The following VRTN variants were observed in gnomAD, a reference collection of about 807,000 sequenced individuals.
VRTN encodes vertnin.
A neutral mutation model predicts 18.2 loss-of-function variants in VRTN; 5 were observed. The ratio of observed to expected loss-of-function variants is 0.27; its 90% CI spans 0.14 to 0.58. The LOEUF (loss-of-function observed/expected upper bound fraction) is 0.58. VRTN is among the 20% of genes least tolerant of loss of function. VRTN has a pLI of 0.91. For missense variants in VRTN, 741 were observed against 939.4 expected (o/e 0.79, Z 2.76); for synonymous variants, 381 against 393.7 (o/e 0.97, Z 0.38).
intron 1 of VRTN, among the ~76,000 whole-genome samples, chr14:74,319,957 A>G (rs1188224971): frequency 1.3e-5 from 2 of 152,230 alleles, no homozygotes; most frequent in East Asian, 3.8e-4. Context: ...TGCTTCAAGA[A>G]GCAAGCCCTG....
rs199640090 is a variant in VRTN, at chr14:74,357,878, C to T, written c.1095C>T (p.Pro365=). Residue 365 remains proline (P), a synonymous_variant, in exon 2 of 2, where the codon CCC becomes CCT. Coordinates refer to ENST00000256362, the MANE Select transcript of VRTN (RefSeq NM_018228.3). This position sits in a 1 kb window ranked among gnomAD's most constrained non-coding sequence, Gnocchi z 7.8. ...LGSGTCPALP[P]REVLGMEELE... is the part of the protein sequence containing the mutation. The stretch of plus-strand genomic sequence containing the variant: ...CTGGCACCTGCCCGGCCTTGCCCCC[C>T]AGGGAGGTGCTGGGCATGGAGGAGC... 5 of 1,614,010 alleles carry T rather than the reference C, an allele frequency of 3.1e-6. No individual in the cohort carries two copies. The African/African-American group carries it at 5.3e-5, about 17-fold the overall frequency.
At position 74,319,036 on chromosome 14, in the gene VRTN, T is replaced by C. The variant is rs114517061; in HGVS notation, c.-164+15860T>C. On this transcript the variant is annotated intron_variant, in intron 1 of 2. Coordinates refer to the VRTN transcript ENST00000557177. ...GGTCTCGGGATTTTTTTTTGTTGTTTGTTTGTTTTGAGATGGGGTCTCACT... is the reference window on the plus strand; with the variant it reads ...GGTCTCGGGATTTTTTTTTGTTGTTCGTTTGTTTTGAGATGGGGTCTCACT... Among the ~76,000 whole-genome samples the C allele has an allele frequency of 6.6e-3, 974 of 148,324 alleles. 10 individuals are homozygous for C. The highest frequency in any genetic ancestry group is 0.023 in the African/African-American group (923 of 40,048).
chr14:74,306,173 T>TATATATATATATATATGTATG lies in VRTN; in HGVS notation c.-164+2997_-164+2998insATATATATATATATATGTATG, dbSNP rs1491480014. The TATATATATATATATATGTATG allele has an allele frequency of 2.2e-3, 107 of 48,028 alleles. 1 individual carries two copies. Among genetic ancestry groups the TATATATATATATATATGTATG allele is most frequent in the African/African-American group, 0.01 (102 of 9,996 alleles). The allele number at this position is 48,028 out of a possible 1,614,324, so 3.0% of individuals were successfully genotyped here. A position where few individuals can be genotyped will look rare whatever the true frequency, so the allele number is the denominator to read the frequency against. ...ATATATATATATATATATATATATA[T>TATATATATATATATATGTATG]TTTTTTTTTTTTTTTGAGACAGAGT... is the stretch of plus-strand genomic sequence containing the variant. On this transcript the variant is annotated intron_variant, in intron 1 of 2. Transcript: ENST00000557177.
At chr14:74,356,644 A>G (rs977750085) in intron 1 of VRTN, 139 bp from the exon 2 acceptor site, 3 of 1,215,408 alleles carry the variant, frequency 2.5e-6, no homozygotes, top group Non-Finnish European at 3.3e-6. Flanking sequence ...TGATGAACCA[A>G]TCCCGTCTGT....
upstream of VRTN, chr14:74,348,270 TC>T (rs1056499364): frequency 6.6e-6 from 1 of 152,226 alleles, no homozygotes; most frequent in African/African-American, 2.4e-5. Flanking sequence ...TTTCAACTTT[TC>T]TCTGGGCAGT....
In VRTN at chr14:74,357,081, C is replaced by T. The variant is rs759141129; in HGVS notation, c.298C>T (p.Leu100Phe). 2 of 1,607,022 alleles carry T rather than the reference C, an allele frequency of 1.2e-6. No individual in the cohort carries two copies. The highest frequency in any genetic ancestry group is 8.5e-7 in the Non-Finnish European group (1 of 1,178,008). ...ASMLLWGDAG[L>F]SLELRARTVV... ...CATGCTGCTGTGGGGTGACGCAGGCCTCAGCCTGGAGCTGCGGGCCCGCAC... is the reference window on the plus strand; with the variant it reads ...CATGCTGCTGTGGGGTGACGCAGGCTTCAGCCTGGAGCTGCGGGCCCGCAC... The change falls in exon 2 of 2, where the codon CTC (leucine) becomes TTC (phenylalanine). Residue 100 changes from leucine (L) to phenylalanine (F), a missense_variant. By Grantham distance (22) the Leu-to-Phe change is conservative (BLOSUM62 0). Around this residue, in one of 3 missense-constraint regions of VRTN, gnomAD observed 186 missense variants for 288.3 expected, o/e 0.65. Transcript: ENST00000256362. The surrounding 1 kb of genome is among the most constrained non-coding windows in gnomAD (Gnocchi z 7.8).
chr14:74,358,046 T>C lies in VRTN; in HGVS notation c.1263T>C (p.Tyr421=). ...TCTCCCTGAACACACTGGTACCCTA[T>C]CGCTGCTTCAAACGCAGGTTCCCTG... The part of the protein sequence containing the change: ...HCISLNTLVP[Y]RCFKRRFPGI... Residue 421 remains tyrosine (Y), a synonymous_variant, in exon 2 of 2, where the codon TAT becomes TAC. Coordinates refer to ENST00000256362, the MANE Select transcript of VRTN (RefSeq NM_018228.3). The surrounding 1 kb of genome is among the most constrained non-coding windows in gnomAD (Gnocchi z 5.4). 6.2e-7 allele frequency: 1 copy of C among 1,614,260 alleles called. No individual in the cohort carries two copies. The highest frequency in any genetic ancestry group is 8.5e-7 in the Non-Finnish European group (1 of 1,180,038).
chr14:74,327,802 C>T (rs2085497483), intron 1 of VRTN, among the ~76,000 whole-genome samples: 1 of 152,160 alleles, frequency 6.6e-6, no homozygotes, highest in Non-Finnish European at 1.5e-5. Context: ...CTCACTGCAA[C>T]CTGTGCCTCC....
intron 1 of VRTN, among the ~76,000 whole-genome samples, chr14:74,313,006 G>T (rs543476738): frequency 4.5e-5 from 5 of 111,742 alleles, no homozygotes; most frequent in African/African-American, 1.8e-4. Context: ...CTCCCAAAGT[G>T]CTGGGATTAC....
rs1555410740 is a variant in VRTN at position 74,325,446 on chromosome 14, C to CAAA, written c.-163-12276_-163-12274dup. Among the ~76,000 whole-genome samples the CAAA allele has an allele frequency of 2.5e-4, 38 of 149,370 alleles. 1 individual carries two copies. The highest frequency in any genetic ancestry group is 3.4e-3 in the Middle Eastern group (1 of 292). The stretch of plus-strand genomic sequence containing the variant: ...AAACCAAAGGTCAAAAAACAAAAAA[C>CAAA]AAACAAACAAAAAAACTAGAAGTAA... On this transcript the variant is annotated intron_variant, in intron 1 of 2. Coordinates refer to the VRTN transcript ENST00000557177.
chr14:74,312,715 C>T lies in VRTN; in HGVS notation c.-164+9539C>T, dbSNP rs536367295. 8.7e-5 allele frequency among the ~76,000 whole-genome samples: 13 copies of T among 149,524 alleles called. 1 individual carries two copies. In the South Asian group the frequency reaches 1.9e-3, roughly 22 times the overall value. On this transcript the variant is annotated intron_variant, in intron 1 of 2. Transcript: ENST00000557177. ...ATCTGCCTTCTTCACTCTCCCTAAG[C>T]GCTGGGGTTACAAGCACGCACCACC...
At chr14:74,326,452 T>C (rs2085488202) in intron 1 of VRTN, among the ~76,000 whole-genome samples, 1 of 152,054 alleles carries the variant, frequency 6.6e-6, no homozygotes, top group Non-Finnish European at 1.5e-5. Context: ...GGCTTGAATG[T>C]TCACAGCCCT....
chr14:74,333,370 G>A (rs1265102145), intron 1 of VRTN, among the ~76,000 whole-genome samples: 1 of 152,008 alleles, frequency 6.6e-6, no homozygotes, highest in Non-Finnish European at 1.5e-5. Context: ...GCGACAGAGC[G>A]AGACTCCATC....
chr14:74,303,775 T>G (rs975565871), intron 1 of VRTN, among the ~76,000 whole-genome samples: 4 of 151,610 alleles, frequency 2.6e-5, no homozygotes, highest in Admixed American at 6.6e-5. Flanking sequence ...CTCTACAACA[T>G]GCATGTATCA....
intron 1 of VRTN, among the ~76,000 whole-genome samples, chr14:74,332,306 T>TC: frequency 7.1e-6 from 1 of 140,812 alleles, no homozygotes; most frequent in Admixed American, 7.4e-5. Flanking sequence ...AGTCTACCTT[T>TC]CCCCCTCCGG....
intron 1 of VRTN, among the ~76,000 whole-genome samples, chr14:74,351,058 T>C (rs1460204457): frequency 6.6e-6 from 1 of 152,216 alleles, no homozygotes; most frequent in Non-Finnish European, 1.5e-5. Context: ...CTAATTTTGT[T>C]TACAAAGTAT....
intron 1 of VRTN, among the ~76,000 whole-genome samples, chr14:74,352,470 C>A (rs1370145833): frequency 6.6e-6 from 1 of 152,214 alleles, no homozygotes; most frequent in African/African-American, 2.4e-5. Flanking sequence ...AGCCACTGCG[C>A]CCCAGCCCTA....
chr14:74,306,987 A>G (rs142434028), intron 1 of VRTN, among the ~76,000 whole-genome samples: 134 of 152,264 alleles, frequency 8.8e-4, no homozygotes, highest in African/African-American at 3.1e-3. Context: ...TTTAGATTGC[A>G]GAACAACTTG....
In VRTN at chr14:74,357,767, C is replaced by G. The variant is rs184758289; in HGVS notation, c.984C>G (p.Gly328=). The G allele has an allele frequency of 1.9e-6, 3 of 1,613,012 alleles. No individual in the cohort carries two copies. The Admixed American group carries it at 5.0e-5, about 27-fold the overall frequency. ...TGCAGGACAGCTTCCACCGGGGGGG[C>G]GTCGTGCCACTTCAGCAGTTCCTCC... The part of the protein sequence containing the change: ...HFLQDSFHRG[G]VVPLQQFLQR... The change falls in exon 2 of 2, where the codon GGC becomes GGG. Residue 328 remains glycine, a synonymous_variant. Coordinates refer to ENST00000256362, the MANE Select transcript of VRTN (RefSeq NM_018228.3). The surrounding 1 kb of genome is among the most constrained non-coding windows in gnomAD (Gnocchi z 7.8).
Sources: gnomAD v4.1 joint callset for allele counts (sites outside exome capture counted in the v4.1 genomes callset) on GRCh38, gnomAD v4.1.1 for gene constraint, gnomAD v4.1.1 regional missense constraint, Gnocchi (gnomAD v3.1) non-coding constraint, MANE v1.5 for transcripts, NCBI Gene and HGNC (gene_info 2026-07-23, HGNC 2026-07-21) for gene names.